Variants in ATP1A3 observed in about 807,000 individuals in gnomAD.
The protein encoded by ATP1A3 is sodium/potassium-transporting ATPase subunit alpha-3.
ATP1A3 carries 12 observed loss-of-function variants against 108.8 expected under a neutral mutation model. The observed-to-expected ratio is 0.11, with a 90% CI of 0.07 to 0.18. ATP1A3 has a LOEUF of 0.18. ATP1A3 is among the 10% of genes least tolerant of loss of function. The pLI is 1.00. For synonymous variants in ATP1A3, 539 were observed against 564.5 expected, an observed-to-expected ratio of 0.95 and a Z score of 0.64; for missense variants, 498 against 1,387.7, an observed-to-expected ratio of 0.36 and a Z score of 10.19.
chr19:41,991,001 G>A (rs2075332646), intron 1 of ATP1A3: 1 of 152,382 alleles, frequency 6.6e-6, no homozygotes, highest in Admixed American at 6.5e-5. Context: ...CCAGGTTCCT[G>A]GAGGACAGAG....
intron 8 of ATP1A3, among the ~76,000 whole-genome samples, chr19:41,983,585 A>AATT (rs1270040596): frequency 1.4e-5 from 2 of 144,338 alleles, no homozygotes; most frequent in Non-Finnish European, 3.0e-5. Flanking sequence ...TAATAATAAT[A>AATT]ATTATTATTA....
chr19:41,977,973 C>T lies in ATP1A3; in HGVS notation c.1906G>A (p.Ala636Thr), dbSNP rs782744167. 44 of 1,614,130 alleles carry T rather than the reference C, an allele frequency of 2.7e-5. No individual in the cohort carries two copies. The highest frequency in any genetic ancestry group is 1.6e-4 in the South Asian group (15 of 91,090). ...TGGCTGACGGGAATGTTGAGCCGGG[C>T]GGCGATGTCCTCCACAGTCTCGTTG... ...EGNETVEDIAARLNIPVSQVN... is the reference protein window; with the variant it reads ...EGNETVEDIATRLNIPVSQVN... The change falls in exon 14 of 23, where the codon GCC becomes ACC. Residue 636 changes from alanine (A) to threonine (T), a missense_variant. Transcript: ENST00000648268.
chr19:41,980,819 G>A (rs892592884), intron 11 of ATP1A3, among the ~76,000 whole-genome samples: 2 of 151,872 alleles, frequency 1.3e-5, no homozygotes, highest in African/African-American at 4.8e-5. Flanking sequence ...GCTGAGGCAG[G>A]AGAATGGTGT....
At position 41,967,918 on chromosome 19, in the gene ATP1A3, G is replaced by A. The variant is rs927674709; in HGVS notation, c.2820-155C>T. Among the ~76,000 whole-genome samples the A allele has an allele frequency of 6.6e-6, 1 of 152,014 alleles. No homozygotes were observed. Among genetic ancestry groups the A allele is most frequent in the African/African-American group, 2.4e-5 (1 of 41,378 alleles). On this transcript the variant is annotated intron_variant, in intron 20 of 22. Transcript: ENST00000648268. This position sits in a 1 kb window ranked among gnomAD's most constrained non-coding sequence, Gnocchi z 4.2. ...AGACATAGGGAGAGACAGAGATGGG[G>A]AGACATGCCCCGACAGAGAGAGACA...
intron 1 of ATP1A3, chr19:41,993,269 G>A: frequency 2.0e-6 from 2 of 989,156 alleles, no homozygotes; most frequent in South Asian, 1.4e-5. Flanking sequence ...GGCGGCATCT[G>A]CTGGAGAGAC....
intron 16 of ATP1A3, among the ~76,000 whole-genome samples, chr19:41,972,753 G>A (rs2075122319): frequency 7.2e-6 from 1 of 139,606 alleles, no homozygotes; most frequent in Admixed American, 7.5e-5. Flanking sequence ...AACAGAGCAA[G>A]ACTCCATCAA....
intron 16 of ATP1A3, among the ~76,000 whole-genome samples, chr19:41,974,687 C>A (rs1376987308): frequency 6.6e-6 from 1 of 152,236 alleles, no homozygotes; most frequent in African/African-American, 2.4e-5. Context: ...GGCGAGGTTA[C>A]GGGTGATTCT....
Position 41,981,627 on chromosome 19 carries a change from C to T in ATP1A3, c.1312G>A (p.Ala438Thr), listed in dbSNP as rs782711218. The T allele has an allele frequency of 3.8e-5, 62 of 1,614,064 alleles. No homozygotes were observed. Among genetic ancestry groups the T allele is most frequent in the Non-Finnish European group, 4.9e-5 (58 of 1,180,046 alleles). ...DNIPVLKRDV[A>T]GDASESALLK... ...AGGGCAGACTCAGACGCATCCCCAGCCACATCCCTCTGCAAGGAGAAAGGG... is the reference window on the plus strand; with the variant it reads ...AGGGCAGACTCAGACGCATCCCCAGTCACATCCCTCTGCAAGGAGAAAGGG... Residue 438 changes from alanine (A) to threonine (T), a missense_variant, in exon 11 of 23, where the codon GCT becomes ACT. Physicochemically the swap from Ala to Thr is moderately conservative, Grantham distance 58. Transcript: ENST00000648268. This position sits in a 1 kb window ranked among gnomAD's most constrained non-coding sequence, Gnocchi z 5.0.
rs782752541 is a variant in ATP1A3, at chr19:41,988,092, A to G, written c.201T>C (p.Pro67=). The change falls in exon 4 of 23, where the codon CCT becomes CCC. Residue 67 remains proline (P), a synonymous_variant. Coordinates refer to ENST00000648268, the MANE Select transcript of ATP1A3 (RefSeq NM_152296.5). This position sits in a 1 kb window ranked among gnomAD's most constrained non-coding sequence, Gnocchi z 5.3. ...KAQEILARDG[P]NALTPPPTTP... ...TGGTAGGCGGTGGCGTGAGTGCGTTAGGCCCATCCCGGGCCAGGATCTCCT... is the reference window on the plus strand; with the variant it reads ...TGGTAGGCGGTGGCGTGAGTGCGTTGGGCCCATCCCGGGCCAGGATCTCCT... 4 of 1,614,022 alleles carry G rather than the reference A, an allele frequency of 2.5e-6. No individual in the cohort carries two copies. The East Asian group carries it at 8.9e-5, about 36-fold the overall frequency.
chr19:41,973,730 G>C (rs2075136951), intron 16 of ATP1A3, among the ~76,000 whole-genome samples: 1 of 152,246 alleles, frequency 6.6e-6, no homozygotes, highest in Non-Finnish European at 1.5e-5. Flanking sequence ...CCAGCCCTGT[G>C]AGAACAGGGA....
At chr19:41,990,236 G>A in intron 1 of ATP1A3, among the ~76,000 whole-genome samples, 1 of 149,350 alleles carries the variant, frequency 6.7e-6, no homozygotes, top group Non-Finnish European at 1.5e-5. Context: ...CTCTCTCTGG[G>A]ATCTGCCTAT....
intron 16 of ATP1A3, among the ~76,000 whole-genome samples, chr19:41,971,630 C>G (rs566876429): frequency 1.6e-4 from 24 of 152,248 alleles, no homozygotes; most frequent in Middle Eastern, 3.4e-3. Context: ...CTGAGTGACA[C>G]GAGCCAGACA....
intron 1 of ATP1A3, among the ~76,000 whole-genome samples, chr19:41,991,418 G>A (rs75938979): frequency 7.5e-4 from 115 of 152,330 alleles, no homozygotes; most frequent in African/African-American, 2.7e-3. Context: ...CTCAGATGCG[G>A]AGGCACAGAG....
At position 41,984,913 on chromosome 19, in the gene ATP1A3, C is replaced by A; in HGVS notation, c.993+5G>T. On this transcript the variant is annotated splice_donor_5th_base_variant and intron_variant, in intron 8 of 22. Transcript: ENST00000648268. ...CCCCACCCAGACCCAGGAGCCTGGC[C>A]TTACAGTGACAGTGGCCAGCAGACC... 1 of 1,611,732 alleles carries A rather than the reference C, an allele frequency of 6.2e-7. No individual in the cohort carries two copies. Among genetic ancestry groups the A allele is most frequent in the Non-Finnish European group, 8.5e-7 (1 of 1,178,922 alleles).
Position 41,976,431 on chromosome 19 carries a change from C to T in ATP1A3, c.2079G>A (p.Glu693=). The T allele has an allele frequency of 6.2e-7, 1 of 1,614,208 alleles. No homozygotes were observed. The highest frequency in any genetic ancestry group is 8.5e-7 in the Non-Finnish European group (1 of 1,180,034). ...CGCAGCCCACCTGTCTCTGACAGCC[C>T]TCCACAATGATGAGCTTCTGCTGGG... The part of the protein sequence containing the change: ...TSPQQKLIIV[E]GCQRQGAIVA... Residue 693 remains glutamate, a synonymous_variant, in exon 15 of 23, where the codon GAG becomes GAA. Transcript: ENST00000648268.
In ATP1A3 at chr19:41,967,421, G is replaced by A. The variant is rs1011052361; in HGVS notation, c.2922-81C>T. On this transcript the variant is annotated intron_variant, in intron 21 of 22. Coordinates refer to ENST00000648268, the MANE Select transcript of ATP1A3 (RefSeq NM_152296.5). The surrounding 1 kb of genome is among the most constrained non-coding windows in gnomAD (Gnocchi z 4.2). ...TTCAGGGGACTGGAGGGGACGCAGA[G>A]GGGCAGTCTCCCAGGATCCTTCGTG... 6.8e-6 allele frequency: 10 copies of A among 1,475,928 alleles called. No homozygotes were observed. Among genetic ancestry groups the A allele is most frequent in the Non-Finnish European group, 9.3e-6 (10 of 1,079,950 alleles). 91.4% of individuals were successfully genotyped at this position (1,475,928 alleles called of 1,614,324 possible). A position where few individuals can be genotyped will look rare whatever the true frequency, so the allele number is the denominator to read the frequency against.
rs1040886979 is a variant in ATP1A3 at position 41,967,035 on chromosome 19, C to T, written c.3014-70G>A. ...AGAGAGACAGGCAAGGCGAGCCGCC[C>T]AGCAGAGAGAGGGACAGAGAGGGAG... On this transcript the variant is annotated intron_variant, in intron 22 of 22. Coordinates refer to ENST00000648268, the MANE Select transcript of ATP1A3 (RefSeq NM_152296.5). The surrounding 1 kb of genome is among the most constrained non-coding windows in gnomAD (Gnocchi z 4.2). 6 of 1,551,332 alleles carry T rather than the reference C, an allele frequency of 3.9e-6. No homozygotes were observed. The East Asian group carries it at 1.2e-4, about 32-fold the overall frequency.
At chr19:41,984,339 C>CCTCA (rs2075265614) in intron 8 of ATP1A3, 1 of 153,480 alleles carries the variant, frequency 6.5e-6, no homozygotes, top group Admixed American at 6.4e-5. Flanking sequence ...GATTCTCCTG[C>CCTCA]CTCAGCCTCC....
In ATP1A3 at chr19:41,988,646, C is replaced by G. The variant is rs781991468; in HGVS notation, c.7-84G>C. ...CCAGGAGGACACCGGCCCTCCATGC[C>G]CCAGCTATCCTCCTGGCCGGTGCCC... On this transcript the variant is annotated intron_variant, in intron 1 of 22. Coordinates refer to ENST00000648268, the MANE Select transcript of ATP1A3 (RefSeq NM_152296.5). The surrounding 1 kb of genome is among the most constrained non-coding windows in gnomAD (Gnocchi z 5.3). 9 of 1,609,944 alleles carry G rather than the reference C, an allele frequency of 5.6e-6. No homozygotes were observed. The Admixed American group carries it at 1.5e-4, about 27-fold the overall frequency.
Sources: allele counts gnomAD v4.1 joint callset (sites outside exome capture counted in the v4.1 genomes callset), GRCh38; gene constraint gnomAD v4.1.1; non-coding constraint Gnocchi (gnomAD v3.1); transcripts MANE v1.5; gene names NCBI Gene and HGNC (gene_info 2026-07-23, HGNC 2026-07-21).